Variants in DLGAP1 observed in about 807,000 individuals in gnomAD.
DLGAP1 encodes the protein DLG associated protein 1, also known as disks large-associated protein 1.
In DLGAP1, 11 loss-of-function variants were observed where a neutral mutation model predicts 90.8. The observed-to-expected ratio is 0.12, with a 90% CI of 0.08 to 0.20. The LOEUF (loss-of-function observed/expected upper bound fraction) is 0.20. Among genes scored for constraint, DLGAP1 ranks in the 10% least tolerant of loss-of-function variants. The probability of loss-of-function intolerance (pLI) is 1.00; values close to 1 mark genes in which losing one functional copy is unlikely to be tolerated. For missense variants in DLGAP1, 1,050 were observed against 1,333.8 expected (o/e 0.79, Z 3.31); for synonymous variants, 558 against 540.7 (o/e 1.03, Z -0.44).
At chr18:4,317,133 A>G (rs561318410) in intron 1 of DLGAP1, among the ~76,000 whole-genome samples, 1 of 152,288 alleles carries the variant, frequency 6.6e-6, no homozygotes, top group African/African-American at 2.4e-5. Context: ...TGTAGGGGGG[A>G]AAGGAGAGCG....
intron 1 of DLGAP1, among the ~76,000 whole-genome samples, chr18:4,239,106 C>T (rs2078477216): frequency 6.6e-6 from 1 of 152,160 alleles, no homozygotes; most frequent in Non-Finnish European, 1.5e-5. Context: ...GTTGGTATCA[C>T]AGTCTATACC....
chr18:3,921,792 C>G (rs2072274545), intron 3 of DLGAP1, among the ~76,000 whole-genome samples: 1 of 152,122 alleles, frequency 6.6e-6, no homozygotes, highest in African/African-American at 2.4e-5. Flanking sequence ...AGCTCAGTAT[C>G]AAAACAGTTA....
intron 7 of DLGAP1, among the ~76,000 whole-genome samples, chr18:3,728,922 T>C (rs915978599): frequency 1.1e-4 from 16 of 152,084 alleles, no homozygotes; most frequent in African/African-American, 3.4e-4. Flanking sequence ...GTTTCCCCTG[T>C]GGATGCCAGA....
intron 3 of DLGAP1, among the ~76,000 whole-genome samples, chr18:3,912,554 A>T (rs1395237516): frequency 1.3e-5 from 2 of 152,204 alleles, no homozygotes; most frequent in Non-Finnish European, 2.9e-5. Flanking sequence ...CAGAAAATAA[A>T]CAGAACGAAC....
chr18:3,959,975 T>A (rs1447778483), intron 3 of DLGAP1, among the ~76,000 whole-genome samples: 1 of 152,164 alleles, frequency 6.6e-6, no homozygotes, highest in Non-Finnish European at 1.5e-5. Context: ...CAGCTGCACA[T>A]GACCAGTAGA....
intron 1 of DLGAP1, among the ~76,000 whole-genome samples, chr18:4,154,797 C>T (rs918707808): frequency 1.3e-5 from 2 of 152,154 alleles, no homozygotes; most frequent in Non-Finnish European, 2.9e-5. Context: ...AGGGAAAGCA[C>T]TCATTCATTC....
intron 1 of DLGAP1, among the ~76,000 whole-genome samples, chr18:4,271,330 T>A (rs1289990014): frequency 6.6e-6 from 1 of 152,188 alleles, no homozygotes; most frequent in African/African-American, 2.4e-5. Flanking sequence ...ACAAATACTT[T>A]ACCATGTTGT....
At chr18:4,221,945 ATC>A (rs2078086571) in intron 1 of DLGAP1, among the ~76,000 whole-genome samples, 1 of 152,134 alleles carries the variant, frequency 6.6e-6, no homozygotes, top group South Asian at 2.1e-4. Context: ...TTTCAGAAGA[ATC>A]TCTTGCATCT....
intron 1 of DLGAP1, among the ~76,000 whole-genome samples, chr18:4,297,104 C>T (rs2080001352): frequency 6.6e-6 from 1 of 152,092 alleles, no homozygotes; most frequent in Non-Finnish European, 1.5e-5. Context: ...ATAGTAGATG[C>T]TATAGAAAAT....
At chr18:3,668,866 C>T (rs2059974991) in intron 7 of DLGAP1, among the ~76,000 whole-genome samples, 1 of 152,028 alleles carries the variant, frequency 6.6e-6, no homozygotes, top group Non-Finnish European at 1.5e-5. Flanking sequence ...GGTGAGGTGG[C>T]AGGTGCTACT....
intron 2 of DLGAP1, among the ~76,000 whole-genome samples, chr18:4,022,570 G>T (rs962719690): frequency 2.0e-5 from 3 of 152,132 alleles, no homozygotes; most frequent in African/African-American, 7.2e-5. Flanking sequence ...ATAAGTCTAA[G>T]TGATTGCTTT....
chr18:4,032,434 C>T (rs1190289039), intron 2 of DLGAP1, among the ~76,000 whole-genome samples: 2 of 151,984 alleles, frequency 1.3e-5, no homozygotes, highest in Non-Finnish European at 1.5e-5. Context: ...AAGTTTTGAA[C>T]ATCAAAAAAA....
chr18:3,734,035 T>G (rs529179536), intron 6 of DLGAP1, among the ~76,000 whole-genome samples: 3 of 152,226 alleles, frequency 2.0e-5, no homozygotes, highest in Non-Finnish European at 4.4e-5. Context: ...CTCAGGTACA[T>G]GGTGTGTTTA....
At chr18:3,741,356 A>AC (rs1325382071) in intron 6 of DLGAP1, among the ~76,000 whole-genome samples, 2,210 of 129,296 alleles carry the variant, frequency 0.017, 76 homozygotes, top group African/African-American at 0.065. Context: ...CACCACCACC[A>AC]CATCACCATC....
intron 3 of DLGAP1, among the ~76,000 whole-genome samples, chr18:3,903,531 T>A (rs1349257789): frequency 6.6e-6 from 1 of 152,198 alleles, no homozygotes; most frequent in Non-Finnish European, 1.5e-5. Context: ...AAAATGGTCC[T>A]AGGGTTCTTT....
intron 1 of DLGAP1, among the ~76,000 whole-genome samples, chr18:4,318,754 G>A (rs961400543): frequency 1.3e-5 from 2 of 152,234 alleles, no homozygotes; most frequent in African/African-American, 2.4e-5. Context: ...GTTTAAATAA[G>A]GGCATTACAC....
At chr18:3,599,730 CT>C (rs2056791909) in intron 7 of DLGAP1, among the ~76,000 whole-genome samples, 1 of 152,132 alleles carries the variant, frequency 6.6e-6, no homozygotes, top group South Asian at 2.1e-4. Context: ...AGCGATTCCC[CT>C]GCCTCAGCCT....
chr18:4,144,306 C>T (rs996683389), intron 2 of DLGAP1, among the ~76,000 whole-genome samples: 1 of 152,178 alleles, frequency 6.6e-6, no homozygotes, highest in Non-Finnish European at 1.5e-5. Context: ...GACAATTCCC[C>T]TCTGGCTAGG....
intron 4 of DLGAP1, among the ~76,000 whole-genome samples, chr18:3,832,944 T>C (rs2068112894): frequency 6.6e-6 from 1 of 152,178 alleles, no homozygotes. Context: ...CTCCTTCCAT[T>C]TGAGGCTGCT....
Sources: gnomAD v4.1 joint callset for allele counts (sites outside exome capture counted in the v4.1 genomes callset) on GRCh38, gnomAD v4.1.1 for gene constraint, MANE v1.5 for transcripts, NCBI Gene and HGNC (gene_info 2026-07-23, HGNC 2026-07-21) for gene names.